Variants in GOLGA2 observed in about 807,000 individuals in gnomAD.
GOLGA2 encodes the protein golgin A2.
A neutral mutation model predicts 148.8 loss-of-function variants in GOLGA2; 49 were observed. The observed-to-expected ratio is 0.33, with a 90% confidence interval of 0.26 to 0.42. GOLGA2 has a LOEUF of 0.42. GOLGA2 is among the 10% of genes least tolerant of loss of function. The pLI is 1.00. For synonymous variants in GOLGA2, 501 were observed against 511.8 expected (o/e 0.98, Z 0.28); for missense variants, 1,178 against 1,304.6 (o/e 0.90, Z 1.49).
intron 3 of GOLGA2, among the ~76,000 whole-genome samples, chr9:128,270,733 C>T (rs1291611704): frequency 6.6e-6 from 1 of 151,898 alleles, no homozygotes; most frequent in African/African-American, 2.4e-5. Context: ...GAAACAGTTA[C>T]GGATATAGAG....
intron 14 of GOLGA2, chr9:128,262,045 AC>A (rs1830307297): frequency 2.5e-6 from 1 of 397,718 alleles, no homozygotes; most frequent in South Asian, 2.9e-5. Flanking sequence ...ATCTACAAAT[AC>A]AAAAATTAGC....
intron 1 of GOLGA2, 59 bp from the exon 2 acceptor site, chr9:128,274,031 T>G: frequency 6.4e-7 from 1 of 1,551,510 alleles, no homozygotes; most frequent in South Asian, 1.2e-5. Context: ...AGTTACATCC[T>G]ACTTTACAAT....
Position 128,263,023 on chromosome 9 carries a change from C to T in GOLGA2, c.992+11G>A, listed in dbSNP as rs770218406. 7 of 1,591,672 alleles carry T rather than the reference C, an allele frequency of 4.4e-6. No individual in the cohort carries two copies. The highest frequency in any genetic ancestry group is 1.3e-5 in the African/African-American group (1 of 74,464). The stretch of plus-strand genomic sequence containing the variant: ...CCCCCAGACCTCCCATCCCACCATC[C>T]CCCATCCTACGTGTTCTTGTATAAC... On this transcript the variant is annotated intron_variant, in intron 13 of 26. Transcript: ENST00000611957.
chr9:128,262,643 C>T lies in GOLGA2; in HGVS notation c.1054G>A (p.Val352Met). 6.2e-7 allele frequency: 1 copy of T among 1,613,890 alleles called. No homozygotes were observed. Among genetic ancestry groups the T allele is most frequent in the Non-Finnish European group, 8.5e-7 (1 of 1,179,730 alleles). Residue 352 changes from valine (V) to methionine (M), a missense_variant, in exon 14 of 27, where the codon GTG becomes ATG. Transcript: ENST00000611957. Reference protein sequence around the residue: ...SELEEKLRVLVTEKAGMQLNL... With the variant: ...SELEEKLRVLMTEKAGMQLNL... The stretch of plus-strand genomic sequence containing the variant: ...AGCTGCATGCCAGCCTTCTCAGTCA[C>T]TAGGACCCGAAGCTTCTCTTCCAAT...
At chr9:128,275,020 GA>G (rs1018124639) in intron 1 of GOLGA2, among the ~76,000 whole-genome samples, 2 of 152,116 alleles carry the variant, frequency 1.3e-5, no homozygotes, top group African/African-American at 4.8e-5. Context: ...GGAGAAGTCA[GA>G]AAAAAATGTT....
chr9:128,272,333 A>G (rs1831006225), intron 3 of GOLGA2, among the ~76,000 whole-genome samples: 2 of 152,000 alleles, frequency 1.3e-5, no homozygotes, highest in South Asian at 4.1e-4. Flanking sequence ...AAAATACAAA[A>G]ATGAGCCAGA....
chr9:128,264,328 G>A (rs922882018), intron 12 of GOLGA2, among the ~76,000 whole-genome samples: 4 of 151,242 alleles, frequency 2.6e-5, no homozygotes, highest in Admixed American at 1.3e-4. Context: ...TCTGCCTCCC[G>A]GGTTCATGTG....
rs1350001548 is a variant in GOLGA2, at chr9:128,256,818, A to T, written c.*249T>A. On this transcript the variant is annotated 3_prime_UTR_variant, in exon 27 of 27. Transcript: ENST00000611957. ...CTTTTTTCATAACTTTTATACCATA[A>T]GTTACCCATAACCTTTTTTATCCCA... is the stretch of plus-strand genomic sequence containing the variant. 6.0e-6 allele frequency: 2 copies of T among 334,866 alleles called. No homozygotes were observed. Among genetic ancestry groups the T allele is most frequent in the Non-Finnish European group, 1.1e-5 (2 of 184,226 alleles). The allele number at this position is 334,866 out of a possible 1,614,324, so 20.7% of individuals were successfully genotyped here. A position where few individuals can be genotyped will look rare whatever the true frequency, so the allele number is the denominator to read the frequency against.
chr9:128,267,239 G>A lies in GOLGA2; in HGVS notation c.597C>T (p.Ser199=). 1.2e-6 allele frequency: 2 copies of A among 1,611,420 alleles called. No individual in the cohort carries two copies. Among genetic ancestry groups the A allele is most frequent in the Non-Finnish European group, 1.7e-6 (2 of 1,177,542 alleles). Residue 199 remains serine, a synonymous_variant, in exon 8 of 27, where the codon TCC becomes TCT. Transcript: ENST00000611957. ...TGAGTTGTTTGTTTGTTACATAGCT[G>A]GAGTCCAGGGCTACCGCTAGCTGTT... ...RYQQLAVALD[S]SYVTNKQLNI...
chr9:128,274,036 T>C, intron 1 of GOLGA2, 64 bp from the exon 2 acceptor site: 3 of 1,540,458 alleles, frequency 1.9e-6, no homozygotes, highest in South Asian at 2.4e-5. Flanking sequence ...CATCCTACTT[T>C]ACAATTTTTC....
In GOLGA2 at chr9:128,258,549, T is replaced by C. The variant is rs866967659; in HGVS notation, c.2195A>G (p.Glu732Gly). Residue 732 changes from glutamate (E) to glycine (G), a missense_variant, in exon 22 of 27, where the codon GAG becomes GGG. This residue lies in a region of GOLGA2 where 529 missense variants were observed against 521.8 expected (regional missense o/e 1.01). Transcript: ENST00000611957. The surrounding 1 kb of genome is among the most constrained non-coding windows in gnomAD (Gnocchi z 6.6). ...CTCCTCCTCCTCCTCATCCTCCTCCTCCTCCCGGTCCAGTCCATCTCCTAT... is the reference window on the plus strand; with the variant it reads ...CTCCTCCTCCTCCTCATCCTCCTCCCCCTCCCGGTCCAGTCCATCTCCTAT... ...PGEGDGLDRE[E>G]EEDEEEEEEE... The C allele has an allele frequency of 1.9e-6, 3 of 1,572,196 alleles. No homozygotes were observed. Among genetic ancestry groups the C allele is most frequent in the Non-Finnish European group, 2.6e-6 (3 of 1,159,862 alleles).
chr9:128,262,006 C>A, intron 14 of GOLGA2: 1 of 479,848 alleles, frequency 2.1e-6, no homozygotes, highest in South Asian at 2.5e-5. Flanking sequence ...GAGTTCAAGA[C>A]CAACCTCGGC....
intron 3 of GOLGA2, among the ~76,000 whole-genome samples, chr9:128,270,642 G>A (rs576072585): frequency 6.6e-6 from 1 of 152,032 alleles, no homozygotes; most frequent in East Asian, 1.9e-4. Flanking sequence ...AGGATACTAC[G>A]ATCACAGGCC....
Position 128,268,515 on chromosome 9 carries a change from C to A in GOLGA2, c.298G>T (p.Asp100Tyr). The change falls in exon 4 of 27, where the codon GAC becomes TAC. Residue 100 changes from aspartate (D) to tyrosine (Y), a missense_variant. By Grantham distance (160) the Asp-to-Tyr change is radical. Coordinates refer to ENST00000611957, the MANE Select transcript of GOLGA2 (RefSeq NM_001366244.2). ...GATGGTTGTAGAGTAGCAGCATTGT[C>A]CTTGGGTGTCTGTCACAGAACAGAG... ...PPLDKWKTPK[D>Y]NAATLQPSDD... The A allele has an allele frequency of 1.2e-6, 2 of 1,602,496 alleles. No homozygotes were observed. The highest frequency in any genetic ancestry group is 1.7e-6 in the Non-Finnish European group (2 of 1,171,074).
At chr9:128,267,080 C>G (rs1322116919) in intron 8 of GOLGA2, 114 bp downstream of exon 8, 1 of 789,156 alleles carries the variant, frequency 1.3e-6, no homozygotes, top group Non-Finnish European at 2.3e-6. Flanking sequence ...GGCCCCCCAG[C>G]TCCCCATTCG....
Position 128,260,099 on chromosome 9 carries a change from T to C in GOLGA2, c.1849A>G (p.Lys617Glu). 1 of 1,610,482 alleles carries C rather than the reference T, an allele frequency of 6.2e-7. No individual in the cohort carries two copies. The highest frequency in any genetic ancestry group is 8.5e-7 in the Non-Finnish European group (1 of 1,179,464). ...LGKKLGELQEKLSELKETVEL... is the reference protein window; with the variant it reads ...LGKKLGELQEELSELKETVEL... ...ACCGTTTCCTTCAGCTCGCTCAGCTTCTCCTGCAGCTCGCCCAGCTTCTTT... is the reference window on the plus strand; with the variant it reads ...ACCGTTTCCTTCAGCTCGCTCAGCTCCTCCTGCAGCTCGCCCAGCTTCTTT... The change falls in exon 19 of 27, where the codon AAG becomes GAG. Residue 617 changes from lysine to glutamate, a missense_variant. Lys to Glu is a moderately conservative substitution (Grantham distance 56, BLOSUM62 1). Transcript: ENST00000611957. The surrounding 1 kb of genome is among the most constrained non-coding windows in gnomAD (Gnocchi z 4.8).
In GOLGA2 at chr9:128,267,547, G is replaced by A. The variant is rs773810493; in HGVS notation, c.502-30C>T. On this transcript the variant is annotated intron_variant, in intron 6 of 26. Coordinates refer to ENST00000611957, the MANE Select transcript of GOLGA2 (RefSeq NM_001366244.2). ...AAGAGACGAGAGTGCACATGGAGAT[G>A]TTCTGTCCCCTCAGTGTCTAAGCCC... is the stretch of plus-strand genomic sequence containing the variant. The A allele has an allele frequency of 4.5e-6, 7 of 1,546,734 alleles. No individual in the cohort carries two copies. The Admixed American group carries it at 5.0e-5, about 11-fold the overall frequency.
intron 1 of GOLGA2, among the ~76,000 whole-genome samples, chr9:128,274,594 C>T (rs1831187278): frequency 6.6e-6 from 1 of 152,210 alleles, no homozygotes; most frequent in East Asian, 1.9e-4. Flanking sequence ...TACATCCTCA[C>T]ACGTTTGGTA....
At chr9:128,267,111 C>G in intron 8 of GOLGA2, 83 bp downstream of exon 8, 1 of 1,005,490 alleles carries the variant, frequency 9.9e-7, no homozygotes, top group Non-Finnish European at 1.6e-6. Context: ...CAGGGGCCCC[C>G]TGCCCCTTTC....
Sources: gnomAD v4.1 joint callset for allele counts (sites outside exome capture counted in the v4.1 genomes callset) on GRCh38, gnomAD v4.1.1 for gene constraint, gnomAD v4.1.1 regional missense constraint, Gnocchi (gnomAD v3.1) non-coding constraint, MANE v1.5 for transcripts, NCBI Gene and HGNC (gene_info 2026-07-23, HGNC 2026-07-21) for gene names.